Variants in MID1 observed in about 807,000 individuals in gnomAD.
The protein encoded by MID1 is E3 ubiquitin-protein ligase Midline-1.
A neutral mutation model predicts 40.4 loss-of-function variants in MID1; 7 were observed. The ratio of observed to expected loss-of-function variants is 0.17; its 90% CI spans 0.10 to 0.33. The LOEUF (loss-of-function observed/expected upper bound fraction) is 0.33. Ranked by LOEUF, MID1 falls within the 10% of genes least tolerant of loss-of-function variation. MID1 has a pLI of 1.00. For missense variants in MID1, 367 were observed against 558.5 expected (o/e 0.66, Z 3.46); for synonymous variants, 229 against 221.2 (o/e 1.04, Z -0.31).
intron 1 of MID1, among the ~76,000 whole-genome samples, chrX:10,757,846 A>G (rs965548675): frequency 3.6e-5 from 4 of 112,169 alleles, no homozygotes; most frequent in Non-Finnish European, 7.5e-5. Context: ...AATATGTACC[A>G]GAAAAAATTA....
chrX:10,528,648 T>C (rs1932882189), intron 2 of MID1, among the ~76,000 whole-genome samples: 1 of 112,047 alleles, frequency 8.9e-6, no homozygotes, highest in Non-Finnish European at 1.9e-5. Context: ...CCCACAACTG[T>C]TGTTTGCCAC....
At chrX:10,570,083 C>A (rs1052052148) in intron 1 of MID1, among the ~76,000 whole-genome samples, 1 of 112,097 alleles carries the variant, frequency 8.9e-6, no homozygotes, top group Non-Finnish European at 1.9e-5. Context: ...CCATTTCACC[C>A]AGAGAGAAAT....
intron 1 of MID1, among the ~76,000 whole-genome samples, chrX:10,706,619 C>T (rs1308657921): frequency 9.0e-6 from 1 of 111,356 alleles, no homozygotes; most frequent in Non-Finnish European, 1.9e-5. Flanking sequence ...TAAGTTTCCT[C>T]AGGCCTCCCC....
Position 10,800,024 on chromosome X carries a change from C to G in MID1, c.-187+33530G>C, listed in dbSNP as rs1354766832. On this transcript the variant is annotated intron_variant, in intron 1 of 10. Coordinates refer to the MID1 transcript ENST00000380785. ...CCACTATAAATGCTGTGGTAGATAT[C>G]TCCAAGATGGCACCAAATGGTCCCT... 2.7e-5 allele frequency among the ~76,000 whole-genome samples: 3 copies of G among 110,715 alleles called. No homozygotes were observed. The Admixed American group carries it at 2.9e-4, about 11-fold the overall frequency.
intron 1 of MID1, among the ~76,000 whole-genome samples, chrX:10,787,199 A>G (rs1251448306): frequency 9.0e-6 from 1 of 110,926 alleles, no homozygotes; most frequent in Non-Finnish European, 1.9e-5. Context: ...TTTAAGACTG[A>G]AAAAAGATAC....
At chrX:10,525,517 A>T (rs1338637439) in intron 2 of MID1, among the ~76,000 whole-genome samples, 1 of 112,304 alleles carries the variant, frequency 8.9e-6, no homozygotes, top group African/African-American at 3.2e-5. Context: ...TTTCTCAAGG[A>T]TCTGATTTTA....
chrX:10,475,256 A>G, intron 5 of MID1: 2 of 327,016 alleles, frequency 6.1e-6, no homozygotes, highest in Non-Finnish European at 1.2e-5. Flanking sequence ...TAGTTTAATC[A>G]ATTACTAGCC....
chrX:10,809,770 T>A (rs1156887300), intron 1 of MID1, among the ~76,000 whole-genome samples: 2 of 37,416 alleles, frequency 5.3e-5, no homozygotes, highest in African/African-American at 2.3e-4. Flanking sequence ...TGGGGCCTGT[T>A]GTGGGGTAGG....
At chrX:10,648,628 T>C (rs1936286223) in intron 1 of MID1, among the ~76,000 whole-genome samples, 1 of 111,972 alleles carries the variant, frequency 8.9e-6, no homozygotes, top group Non-Finnish European at 1.9e-5. Context: ...GATTCATTAT[T>C]TGACTATTTT....
intron 1 of MID1, among the ~76,000 whole-genome samples, chrX:10,819,397 T>C (rs1166736610): frequency 8.9e-6 from 1 of 112,401 alleles, no homozygotes; most frequent in African/African-American, 3.2e-5. Context: ...AATTGTTGCA[T>C]TGCAATTGTT....
chrX:10,488,657 T>G (rs944673543), intron 4 of MID1, among the ~76,000 whole-genome samples: 1 of 111,523 alleles, frequency 9.0e-6, no homozygotes, highest in African/African-American at 3.3e-5. Context: ...ATCCTGGGTG[T>G]GTCTGTGAGG....
Position 10,449,644 on chromosome X carries a change from C to T in MID1, c.1728G>A (p.Ala576=), listed in dbSNP as rs1424758703. Residue 576 remains alanine, a synonymous_variant, in exon 10 of 10, where the codon GCG becomes GCA. Transcript: ENST00000317552. ...EWIGKNSASW[A]LCRCNNNWVV... is the part of the protein sequence containing the mutation. ...CCCAGTTATTGTTGCAGCGGCAGAG[C>T]GCCCAGGAAGCAGAGTTCTTCCCAA... 1.3e-5 allele frequency: 16 copies of T among 1,209,669 alleles called. No individual in the cohort carries two copies. Among genetic ancestry groups the T allele is most frequent in the South Asian group, 1.8e-5 (1 of 56,775 alleles).
intron 1 of MID1, among the ~76,000 whole-genome samples, chrX:10,606,748 T>C (rs1426609941): frequency 9.9e-6 from 1 of 101,071 alleles, no homozygotes; most frequent in East Asian, 2.8e-4. Context: ...TTTTATTTTG[T>C]TTTGTTTTGT....
At chrX:10,759,558 G>A (rs1325679166) in intron 1 of MID1, among the ~76,000 whole-genome samples, 1 of 110,902 alleles carries the variant, frequency 9.0e-6, no homozygotes, top group East Asian at 2.9e-4. Flanking sequence ...TGGAGCGCCT[G>A]TGACTTCTCT....
chrX:10,532,041 G>A (rs751982208), intron 2 of MID1, among the ~76,000 whole-genome samples: 1 of 112,641 alleles, frequency 8.9e-6, no homozygotes, highest in East Asian at 2.8e-4. Flanking sequence ...TTATCAGCAG[G>A]ACATAAAGGA....
chrX:10,549,840 G>A (rs1933839794), intron 2 of MID1, among the ~76,000 whole-genome samples: 2 of 112,399 alleles, frequency 1.8e-5, no homozygotes, highest in South Asian at 7.4e-4. Context: ...GGCCCTTCGA[G>A]CTCAGCGCTT....
At chrX:10,778,334 T>C (rs2043821165) in intron 1 of MID1, among the ~76,000 whole-genome samples, 1 of 110,778 alleles carries the variant, frequency 9.0e-6, no homozygotes, top group Non-Finnish European at 1.9e-5. Flanking sequence ...ATGTGGTCCA[T>C]TGTTGACCAA....
At chrX:10,751,827 C>T (rs1041992368) in intron 1 of MID1, among the ~76,000 whole-genome samples, 3 of 112,010 alleles carry the variant, frequency 2.7e-5, no homozygotes, top group African/African-American at 9.8e-5. Context: ...ATGTGACCCC[C>T]AATATTGGAG....
chrX:10,528,603 T>G (rs1188795228), intron 2 of MID1, among the ~76,000 whole-genome samples: 3 of 111,975 alleles, frequency 2.7e-5, no homozygotes, highest in African/African-American at 9.8e-5. Context: ...TCAATGAAAC[T>G]TTATTTACCA....
Sources: gnomAD v4.1 joint callset for allele counts (sites outside exome capture counted in the v4.1 genomes callset) on GRCh38, gnomAD v4.1.1 for gene constraint, MANE v1.5 for transcripts, NCBI Gene and HGNC (gene_info 2026-07-23, HGNC 2026-07-21) for gene names.